Variants in SUSD4 observed in about 807,000 individuals in gnomAD.
The protein encoded by SUSD4 is sushi domain containing 4.
In SUSD4, 41 loss-of-function variants were observed where a neutral mutation model predicts 50.5. The observed-to-expected ratio is 0.81, with a 90% CI of 0.63 to 1.05. SUSD4 has a LOEUF of 1.05. Ranked by LOEUF, SUSD4 falls within the 50% of genes least tolerant of loss-of-function variation. The probability of loss-of-function intolerance (pLI) is 0.00; values close to 1 mark genes in which losing one functional copy is unlikely to be tolerated. For synonymous variants in SUSD4, 257 were observed against 257.3 expected, an observed-to-expected ratio of 1.00 and a Z score of 0.01; for missense variants, 580 against 634.7, an observed-to-expected ratio of 0.91 and a Z score of 0.93.
intron 2 of SUSD4, among the ~76,000 whole-genome samples, chr1:223,329,391 T>C (rs1667051663): frequency 6.6e-6 from 1 of 152,236 alleles, no homozygotes; most frequent in African/African-American, 2.4e-5. Context: ...TTGCCTGAAA[T>C]TGCCCTGCCT....
intron 2 of SUSD4, among the ~76,000 whole-genome samples, chr1:223,302,785 C>T (rs539247572): frequency 3.3e-5 from 5 of 152,236 alleles, no homozygotes; most frequent in East Asian, 1.9e-4. Context: ...GAGATGCCCG[C>T]GTGGGCCAGG....
intron 5 of SUSD4, chr1:223,263,538 G>C: frequency 1.0e-6 from 1 of 985,200 alleles, no homozygotes; most frequent in Non-Finnish European, 1.2e-6. Context: ...GAAGTGGAGT[G>C]AGGGGAGTTC....
At chr1:223,337,749 C>T (rs1312696260) in intron 2 of SUSD4, among the ~76,000 whole-genome samples, 1 of 152,204 alleles carries the variant, frequency 6.6e-6, no homozygotes, top group Non-Finnish European at 1.5e-5. Flanking sequence ...AGCCATCCCT[C>T]AGGGTGGCTT....
chr1:223,291,057 C>T (rs1490906806), intron 3 of SUSD4, among the ~76,000 whole-genome samples: 1 of 152,020 alleles, frequency 6.6e-6, no homozygotes, highest in Non-Finnish European at 1.5e-5. Context: ...TTTTTAAAAA[C>T]CTTAAGTCTT....
At chr1:223,274,012 C>T (rs556337567) in intron 3 of SUSD4, among the ~76,000 whole-genome samples, 387 of 152,086 alleles carry the variant, frequency 2.5e-3, no homozygotes, top group African/African-American at 8.7e-3. Context: ...CTCAGGGAGC[C>T]CAGATTTATA....
Position 223,268,440 on chromosome 1 carries a change from A to G in SUSD4, c.535+62T>C, listed in dbSNP as rs1423057482. On this transcript the variant is annotated intron_variant, in intron 4 of 8. Coordinates refer to ENST00000366878, the MANE Select transcript of SUSD4 (RefSeq NM_017982.4). ...CACTTTATTAGATAAACATGTACACAGTCTACAATAAAGTCCGAGAGAATA... is the reference window on the plus strand; with the variant it reads ...CACTTTATTAGATAAACATGTACACGGTCTACAATAAAGTCCGAGAGAATA... 8 of 1,543,754 alleles carry G rather than the reference A, an allele frequency of 5.2e-6. No individual in the cohort carries two copies. The East Asian group carries it at 1.6e-4, about 31-fold the overall frequency.
intron 2 of SUSD4, among the ~76,000 whole-genome samples, chr1:223,312,525 T>C (rs1572036209): frequency 1.3e-5 from 2 of 152,254 alleles, no homozygotes; most frequent in South Asian, 2.1e-4. Flanking sequence ...CAGAGCCTCA[T>C]GACCGTATCT....
At chr1:223,261,352 C>A (rs534967024) in intron 5 of SUSD4, among the ~76,000 whole-genome samples, 1 of 152,190 alleles carries the variant, frequency 6.6e-6, no homozygotes, top group African/African-American at 2.4e-5. Flanking sequence ...AGACAATGTA[C>A]CTTGGTGATC....
Position 223,231,667 on chromosome 1 carries a change from G to T in SUSD4, c.725-2279C>A, listed in dbSNP as rs1015570234. Among the ~76,000 whole-genome samples the T allele has an allele frequency of 3.3e-5, 5 of 152,262 alleles. No homozygotes were observed. The highest frequency in any genetic ancestry group is 1.2e-4 in the African/African-American group (5 of 41,472). On this transcript the variant is annotated intron_variant, in intron 5 of 8. Coordinates refer to ENST00000366878, the MANE Select transcript of SUSD4 (RefSeq NM_017982.4). This position sits in a 1 kb window ranked among gnomAD's most constrained non-coding sequence, Gnocchi z 4.2. ...GAGAGAAAAAGGCACTGGCCACGTT[G>T]TTGAACTGGTCCTGGGAGATCCAGG...
intron 2 of SUSD4, among the ~76,000 whole-genome samples, chr1:223,294,270 A>G (rs1224524280): frequency 1.3e-5 from 2 of 152,206 alleles, no homozygotes; most frequent in East Asian, 3.9e-4. Flanking sequence ...GACACCATCA[A>G]GATATGATGG....
At chr1:223,250,763 G>A (rs1464038366) in intron 5 of SUSD4, among the ~76,000 whole-genome samples, 1 of 152,214 alleles carries the variant, frequency 6.6e-6, no homozygotes, top group African/African-American at 2.4e-5. Context: ...CAGATACAGG[G>A]AAGCCTCTGT....
chr1:223,288,990 T>C (rs1194261212), intron 3 of SUSD4: 2 of 660,426 alleles, frequency 3.0e-6, no homozygotes, highest in Non-Finnish European at 3.8e-6. Context: ...CACCTCTGTC[T>C]TTTCTTATGA....
Position 223,223,576 on chromosome 1 carries a change from G to A in SUSD4, c.1117C>T (p.Pro373Ser). 6.2e-7 allele frequency: 1 copy of A among 1,613,052 alleles called. No homozygotes were observed. Among genetic ancestry groups the A allele is most frequent in the Non-Finnish European group, 8.5e-7 (1 of 1,179,668 alleles). ...TCGTCATAGGACGGGAGCATGACGG[G>A]CACGCCGTCTACCACCACAAAGTCA... ...DPDFVVVDGV[P>S]VMLPSYDEAV... Residue 373 changes from proline to serine, a missense_variant, in exon 8 of 9, where the codon CCC becomes TCC. Transcript: ENST00000366878.
chr1:223,243,124 G>C (rs1265191953), intron 5 of SUSD4, among the ~76,000 whole-genome samples: 1 of 152,022 alleles, frequency 6.6e-6, no homozygotes, highest in African/African-American at 2.4e-5. Context: ...GTGGCTCCAG[G>C]CTCCAGGCTC....
intron 5 of SUSD4, among the ~76,000 whole-genome samples, chr1:223,242,105 C>T (rs1178805746): frequency 6.6e-6 from 1 of 152,108 alleles, no homozygotes; most frequent in Admixed American, 6.6e-5. Flanking sequence ...TTATGCCCAG[C>T]TAATTTTTGT....
At chr1:223,282,660 C>A (rs1353774488) in intron 3 of SUSD4, among the ~76,000 whole-genome samples, 1 of 152,196 alleles carries the variant, frequency 6.6e-6, no homozygotes, top group East Asian at 1.9e-4. Flanking sequence ...AATGGCCATA[C>A]TGCCCAAGGT....
In SUSD4 at chr1:223,224,854, G is replaced by T. The variant is rs1322625725; in HGVS notation, c.1062-1223C>A. On this transcript the variant is annotated intron_variant, in intron 7 of 8. Transcript: ENST00000366878. ...GCTAATAAGTAGCCAATAGAACTTG[G>T]TTTCTTCCTTTTTTTTTTTTTTTTT... Among the ~76,000 whole-genome samples the T allele has an allele frequency of 8.0e-4, 111 of 138,762 alleles. 1 individual carries two copies. Among genetic ancestry groups the T allele is most frequent in the African/African-American group, 3.1e-3 (107 of 34,954 alleles). 91.0% of individuals were successfully genotyped at this position (138,762 alleles called of 152,430 possible).
At chr1:223,279,508 GAGA>G (rs1663533735) in intron 3 of SUSD4, among the ~76,000 whole-genome samples, 1 of 152,218 alleles carries the variant, frequency 6.6e-6, no homozygotes, top group South Asian at 2.1e-4. Flanking sequence ...GAAGTGAGAA[GAGA>G]AGTTTAGAAA....
At chr1:223,341,523 C>T (rs543780263) in intron 2 of SUSD4, among the ~76,000 whole-genome samples, 2 of 151,744 alleles carry the variant, frequency 1.3e-5, no homozygotes, top group South Asian at 2.1e-4. Context: ...CAGAAGGGGC[C>T]GGCTCCCATC....
Sources: gnomAD v4.1 joint callset for allele counts (sites outside exome capture counted in the v4.1 genomes callset) on GRCh38, gnomAD v4.1.1 for gene constraint, Gnocchi (gnomAD v3.1) non-coding constraint, MANE v1.5 for transcripts, NCBI Gene and HGNC (gene_info 2026-07-23, HGNC 2026-07-21) for gene names.